CSPP1: variants seen among roughly 807,000 people sequenced by gnomAD.
CSPP1 encodes the protein centrosome and spindle pole-associated protein 1.
Under a neutral mutation model 164.4 loss-of-function variants are expected in CSPP1, and 126 were observed. The observed-to-expected ratio is 0.77, with a 90% confidence interval of 0.66 to 0.89. The LOEUF (loss-of-function observed/expected upper bound fraction) is 0.89. CSPP1 is among the 40% of genes least tolerant of loss of function. CSPP1 has a pLI of 0.00. For synonymous variants in CSPP1, 472 were observed against 476.7 expected (o/e 0.99, Z 0.13); for missense variants, 1,395 against 1,449.8 (o/e 0.96, Z 0.61).
At chr8:67,075,903 A>G (rs2129541559) in intron 2 of CSPP1, among the ~76,000 whole-genome samples, 2 of 152,316 alleles carry the variant, frequency 1.3e-5, no homozygotes, top group East Asian at 3.9e-4. Flanking sequence ...ACTCTCCAGT[A>G]GTTAGGACCA....
chr8:67,105,955 CT>C lies in CSPP1; in HGVS notation c.1077del (p.Phe359LeufsTer23), dbSNP rs1306057876. On this transcript the variant is annotated frameshift_variant, in exon 9 of 31. Coordinates refer to ENST00000678616, the MANE Select transcript of CSPP1 (RefSeq NM_001382391.1). LOFTEE classifies it high-confidence loss of function. Reference sequence around the variant, plus strand: ...TCTGCTAATCAAGATACCTGTAGTCCTTTTGCAGGGATGCTCTTTGGTAGGC... The same window carrying C: ...TCTGCTAATCAAGATACCTGTAGTCCTTTGCAGGGATGCTCTTTGGTAGGC... ...SKSANQDTCS[P>X]FAGMLFGGED... 1.9e-6 allele frequency: 3 copies of C among 1,587,346 alleles called. No individual in the cohort carries two copies. The African/African-American group carries it at 4.0e-5, about 21-fold the overall frequency.
chr8:67,126,775 A>G (rs145991532), intron 15 of CSPP1, among the ~76,000 whole-genome samples: 49 of 152,070 alleles, frequency 3.2e-4, no homozygotes, highest in Non-Finnish European at 5.0e-4. Context: ...TTTTTCTTTT[A>G]ATTTTATTGT....
At position 67,076,482 on chromosome 8, in the gene CSPP1, G is replaced by T. The variant is rs1360009149; in HGVS notation, c.100G>T (p.Gly34Ter). The change falls in exon 3 of 31, where the codon GGA becomes TGA. Residue 34 changes from glycine to a stop codon, truncating the protein, a stop_gained and splice_region_variant. Transcript: ENST00000678616. LOFTEE classifies it high-confidence loss of function. Reference protein sequence around the residue: ...ESDPPYMEMKGKLSAKLSENS... With the variant: ...ESDPPYMEMK ...TTTGTAAACATTATGTCTCTTTCAG[G>T]GAAAGTTGTCAGCGAAGCTTTCTGA... 6 of 1,561,998 alleles carry T rather than the reference G, an allele frequency of 3.8e-6. No homozygotes were observed. Among genetic ancestry groups the T allele is most frequent in the Non-Finnish European group, 5.2e-6 (6 of 1,153,646 alleles).
rs756283251 is a variant in CSPP1, at chr8:67,076,594, A to C, written c.199+13A>C. On this transcript the variant is annotated intron_variant, in intron 3 of 30. Transcript: ENST00000678616. ...AGGGGTTCCTTAGGTATGTCATTAG[A>C]TGTGCTAAACTTATTTTAAGATATC... 2.1e-6 allele frequency: 3 copies of C among 1,457,602 alleles called. No homozygotes were observed. Among genetic ancestry groups the C allele is most frequent in the South Asian group, 2.4e-5 (2 of 82,108 alleles). The allele number at this position is 1,457,602 out of a possible 1,614,324, so 90.3% of individuals were successfully genotyped here. A position where few individuals can be genotyped will look rare whatever the true frequency, so the allele number is the denominator to read the frequency against.
intron 15 of CSPP1, among the ~76,000 whole-genome samples, chr8:67,128,551 A>C (rs930969770): frequency 2.6e-5 from 4 of 151,814 alleles, no homozygotes; most frequent in African/African-American, 9.7e-5. Flanking sequence ...AAAAAAAAAA[A>C]AAAAGCTTCT....
intron 7 of CSPP1, among the ~76,000 whole-genome samples, chr8:67,101,421 C>A: frequency 6.6e-6 from 1 of 152,188 alleles, no homozygotes; most frequent in East Asian, 1.9e-4. Context: ...CAGGCCTGCT[C>A]TGTTAACGCT....
At chr8:67,167,370 G>A (rs572977582) in intron 24 of CSPP1, among the ~76,000 whole-genome samples, 37 of 151,194 alleles carry the variant, frequency 2.4e-4, no homozygotes, top group African/African-American at 8.7e-4. Flanking sequence ...CTCCCACCCG[G>A]ACGGGGCAGC....
intron 25 of CSPP1, 107 bp downstream of exon 25, chr8:67,172,662 G>A (rs1830706178): frequency 4.2e-6 from 4 of 951,912 alleles, no homozygotes; most frequent in Non-Finnish European, 4.5e-6. Context: ...TTTTATCTAT[G>A]GTATGTATTT....
Position 67,164,328 on chromosome 8 carries a change from T to C in CSPP1, c.2711-63T>C. ...ACTTTATTATTAGTCAGGTTGTGTTTTAATGTTTAGTCTTTTGTTCTTATT... is the reference window on the plus strand; with the variant it reads ...ACTTTATTATTAGTCAGGTTGTGTTCTAATGTTTAGTCTTTTGTTCTTATT... On this transcript the variant is annotated intron_variant, in intron 23 of 30. Transcript: ENST00000678616. 3 of 786,320 alleles carry C rather than the reference T, an allele frequency of 3.8e-6. No individual in the cohort carries two copies. The Middle Eastern group carries it at 7.1e-4, about 185-fold the overall frequency. The allele number at this position is 786,320 out of a possible 1,614,324, so 48.7% of individuals were successfully genotyped here. A position where few individuals can be genotyped will look rare whatever the true frequency, so the allele number is the denominator to read the frequency against.
rs1335421655 is a variant in CSPP1, at chr8:67,172,402, T to A, written c.2829-14T>A. The A allele has an allele frequency of 6.2e-7, 1 of 1,602,114 alleles. No homozygotes were observed. Among genetic ancestry groups the A allele is most frequent in the East Asian group, 2.2e-5 (1 of 44,802 alleles). On this transcript the variant is annotated splice_polypyrimidine_tract_variant and intron_variant, in intron 24 of 30. Coordinates refer to ENST00000678616, the MANE Select transcript of CSPP1 (RefSeq NM_001382391.1). Reference sequence around the variant, plus strand: ...CCTGTGAAGCACATATTATGATTTGTCATTTATCTATAGGAAAAAGGAAAG... The same window carrying A: ...CCTGTGAAGCACATATTATGATTTGACATTTATCTATAGGAAAAAGGAAAG...
intron 30 of CSPP1, 86 bp downstream of exon 30, chr8:67,193,688 G>A (rs1273994824): frequency 8.3e-7 from 1 of 1,201,784 alleles, no homozygotes. Flanking sequence ...AACGTCTGAG[G>A]GATAGATGGA....
chr8:67,189,869 G>T (rs2129574990), intron 28 of CSPP1, among the ~76,000 whole-genome samples: 1 of 152,132 alleles, frequency 6.6e-6, no homozygotes, highest in African/African-American at 2.4e-5. Context: ...AGTTGCGGAG[G>T]TTACCGTAGA....
chr8:67,163,681 T>G (rs1367548465), intron 22 of CSPP1, 51 bp from the exon 23 acceptor site: 1 of 1,357,160 alleles, frequency 7.4e-7, no homozygotes, highest in East Asian at 2.3e-5. Flanking sequence ...CCTTCAAGCT[T>G]CTGTGTAGGG....
At chr8:67,176,526 AG>A (rs1365360749) in intron 26 of CSPP1, among the ~76,000 whole-genome samples, 2 of 152,214 alleles carry the variant, frequency 1.3e-5, no homozygotes, top group African/African-American at 4.8e-5. Flanking sequence ...TTCTAGGATA[AG>A]CAGTAGGTAT....
intron 28 of CSPP1, 54 bp from the exon 29 acceptor site, chr8:67,190,596 G>A: frequency 7.5e-7 from 1 of 1,330,422 alleles, no homozygotes; most frequent in Non-Finnish European, 1.1e-6. Context: ...GTTTAGCTCT[G>A]GGTAAGATTT....
chr8:67,079,136 T>C (rs1308230295), intron 3 of CSPP1, among the ~76,000 whole-genome samples: 2 of 152,174 alleles, frequency 1.3e-5, no homozygotes, highest in South Asian at 2.1e-4. Context: ...TCTCATCTTA[T>C]ACATTCCCCG....
Position 67,159,082 on chromosome 8 carries a change from A to T in CSPP1, c.2483A>T (p.Asn828Ile). Residue 828 changes from asparagine to isoleucine, a missense_variant, in exon 21 of 31, where the codon AAC becomes ATC. Asn to Ile is a moderately radical substitution (Grantham distance 149, BLOSUM62 -3). Coordinates refer to ENST00000678616, the MANE Select transcript of CSPP1 (RefSeq NM_001382391.1). Reference protein sequence around the residue: ...RKKKEEEEKYNLQLQHYCERD... With the variant: ...RKKKEEEEKYILQLQHYCERD... ...AAGAAAGAAGAAGAAGAAAAATATA[A>T]CCTGCAACTTCAGCACTACTGTGAA... The T allele has an allele frequency of 6.2e-7, 1 of 1,612,980 alleles. No individual in the cohort carries two copies. Among genetic ancestry groups the T allele is most frequent in the East Asian group, 2.2e-5 (1 of 44,804 alleles).
chr8:67,138,773 A>G (rs953661591), intron 17 of CSPP1, among the ~76,000 whole-genome samples: 1 of 152,292 alleles, frequency 6.6e-6, no homozygotes, highest in African/African-American at 2.4e-5. Context: ...TTCTTTTGCC[A>G]TGCAGAAGCT....
rs777234205 is a variant in CSPP1 at position 67,095,536 on chromosome 8, A to G, written c.727A>G (p.Asn243Asp). 2.5e-6 allele frequency: 4 copies of G among 1,613,766 alleles called. No individual in the cohort carries two copies. The South Asian group carries it at 4.4e-5, about 18-fold the overall frequency. ...AGCAAATGAAGAAGTGGGCATTTCCAACCTAAAACATCAAAGGTTTGCAAG... is the reference window on the plus strand; with the variant it reads ...AGCAAATGAAGAAGTGGGCATTTCCGACCTAAAACATCAAAGGTTTGCAAG... ...KKANEEVGIS[N>D]LKHQRFASKA... Residue 243 changes from asparagine to aspartate, a missense_variant, in exon 7 of 31, where the codon AAC (asparagine) becomes GAC (aspartate). By Grantham distance (23) the Asn-to-Asp change is conservative. Coordinates refer to ENST00000678616, the MANE Select transcript of CSPP1 (RefSeq NM_001382391.1).
Sources: allele counts gnomAD v4.1 joint callset (sites outside exome capture counted in the v4.1 genomes callset), GRCh38; gene constraint gnomAD v4.1.1; transcripts MANE v1.5; gene names NCBI Gene and HGNC (gene_info 2026-07-23, HGNC 2026-07-21).